CNOT10: variants seen among roughly 807,000 people sequenced by gnomAD.
CNOT10 encodes CCR4-NOT transcription complex subunit 10.
CNOT10 carries 30 observed loss-of-function variants against 94.6 expected under a neutral mutation model. That is an observed-to-expected ratio of 0.32 (90% CI 0.24 to 0.43). The LOEUF (loss-of-function observed/expected upper bound fraction) is 0.43, where lower values mean the gene tolerates loss of function less well. CNOT10 is among the 20% of genes least tolerant of loss of function. CNOT10 has a pLI of 1.00. For missense variants in CNOT10, 759 were observed against 877.2 expected (o/e 0.87, Z 1.70); for synonymous variants, 289 against 301.6 (o/e 0.96, Z 0.43).
At chr3:32,769,193 A>C (rs2125648446) in intron 17 of CNOT10, 1 of 152,402 alleles carries the variant, frequency 6.6e-6, no homozygotes, top group South Asian at 2.1e-4. Flanking sequence ...GAGCAACTAA[A>C]ACTAGATGGG....
intron 13 of CNOT10, among the ~76,000 whole-genome samples, chr3:32,752,678 T>A (rs1231206302): frequency 6.6e-6 from 1 of 152,130 alleles, no homozygotes; most frequent in Non-Finnish European, 1.5e-5. Context: ...AACTTCAACT[T>A]TAACAGTTGA....
intron 10 of CNOT10, 33 bp downstream of exon 10, chr3:32,727,903 G>A: frequency 6.7e-7 from 1 of 1,482,364 alleles, no homozygotes. Flanking sequence ...TTTAAACCCT[G>A]TCTTCTCCCC....
chr3:32,685,567 G>A, intron 1 of CNOT10, 85 bp downstream of exon 1: 1 of 1,454,792 alleles, frequency 6.9e-7, no homozygotes, highest in South Asian at 1.2e-5. Context: ...GGGGCCCGGG[G>A]TGGGGACTCC....
chr3:32,726,152 C>T (rs965917595), intron 9 of CNOT10, among the ~76,000 whole-genome samples: 2 of 152,040 alleles, frequency 1.3e-5, no homozygotes, highest in African/African-American at 4.8e-5. Context: ...ACCATGTTGC[C>T]CAGGCTGGTC....
intron 13 of CNOT10, chr3:32,753,734 A>G (rs1472193169): frequency 6.2e-7 from 1 of 1,600,114 alleles, no homozygotes; most frequent in Non-Finnish European, 8.5e-7. Context: ...GCAGCTTTAA[A>G]CAGATTATTT....
intron 13 of CNOT10, among the ~76,000 whole-genome samples, chr3:32,748,446 C>T (rs1004637146): frequency 2.6e-5 from 4 of 152,010 alleles, no homozygotes; most frequent in Admixed American, 2.6e-4. Context: ...ATTTGGGAGA[C>T]GATAGGTTTT....
chr3:32,764,624 G>A (rs1452040416), intron 16 of CNOT10, 58 bp from the exon 17 acceptor site: 6 of 1,606,850 alleles, frequency 3.7e-6, no homozygotes, highest in Non-Finnish European at 4.3e-6. Context: ...GATAGATTGG[G>A]TTGCTTCCTT....
intron 14 of CNOT10, among the ~76,000 whole-genome samples, chr3:32,759,775 A>C (rs1700366340): frequency 6.6e-6 from 1 of 152,180 alleles, no homozygotes; most frequent in South Asian, 2.1e-4. Context: ...GGAGACAAAA[A>C]CTTCGGACTC....
chr3:32,764,400 A>C (rs1245276877), intron 15 of CNOT10, 55 bp from the exon 16 acceptor site: 26 of 1,576,218 alleles, frequency 1.6e-5, no homozygotes, highest in Admixed American at 3.8e-5. Context: ...AGGAGAAAAG[A>C]AAGAAAATAT....
chr3:32,691,950 T>G (rs1696865386), intron 1 of CNOT10, among the ~76,000 whole-genome samples: 1 of 147,496 alleles, frequency 6.8e-6, no homozygotes, highest in Non-Finnish European at 1.5e-5. Flanking sequence ...CAAGGGAGGG[T>G]GAGGTGGGAG....
At chr3:32,754,688 A>G (rs551351989) in intron 13 of CNOT10, among the ~76,000 whole-genome samples, 34 of 147,172 alleles carry the variant, frequency 2.3e-4, no homozygotes, top group African/African-American at 8.5e-4. Context: ...CGCCCAGCTA[A>G]TTTTTGTATT....
chr3:32,771,621 C>A lies in CNOT10; in HGVS notation c.2080+1659C>A, dbSNP rs550905196. Among the ~76,000 whole-genome samples the A allele has an allele frequency of 2.9e-3, 443 of 151,854 alleles. 5 individuals are homozygous for A. The highest frequency in any genetic ancestry group is 0.01 in the African/African-American group (425 of 41,410). On this transcript the variant is annotated intron_variant, in intron 18 of 18. Coordinates refer to ENST00000328834, the MANE Select transcript of CNOT10 (RefSeq NM_015442.3). ...TCTCAAATAATAATAATAATAAATA[C>A]CTATATCTATCTAGATAGATAGATA...
At chr3:32,702,729 G>T (rs1051280135) in intron 1 of CNOT10, among the ~76,000 whole-genome samples, 1 of 152,070 alleles carries the variant, frequency 6.6e-6, no homozygotes, top group African/African-American at 2.4e-5. Flanking sequence ...TTGCTGGGTG[G>T]CAGATCTAAT....
intron 8 of CNOT10, among the ~76,000 whole-genome samples, 191 bp downstream of exon 8, chr3:32,720,422 G>T (rs1306916842): frequency 6.6e-6 from 1 of 151,976 alleles, no homozygotes; most frequent in African/African-American, 2.4e-5. Flanking sequence ...ATTACTTCTT[G>T]CTTTCACTTT....
chr3:32,735,344 C>CAAAAAAAAAAAAAA (rs1267480500), intron 12 of CNOT10, among the ~76,000 whole-genome samples: 9 of 151,102 alleles, frequency 6.0e-5, no homozygotes, highest in African/African-American at 1.5e-4. Flanking sequence ...GACTTCATCT[C>CAAAAAAAAAAAAAA]AAAAAAGAAA....
chr3:32,705,148 G>A (rs2125517786), intron 3 of CNOT10, among the ~76,000 whole-genome samples, 176 bp downstream of exon 3: 1 of 151,956 alleles, frequency 6.6e-6, no homozygotes, highest in East Asian at 1.9e-4. Flanking sequence ...GTATGTTGTG[G>A]GATCATTTTT....
intron 13 of CNOT10, among the ~76,000 whole-genome samples, chr3:32,749,135 A>G (rs569285079): frequency 1.3e-5 from 2 of 152,182 alleles, no homozygotes; most frequent in Non-Finnish European, 2.9e-5. Context: ...AGTTCTTTAT[A>G]TGTCCTAGAT....
At chr3:32,764,058 A>C (rs183618882) in intron 15 of CNOT10, 56 of 166,712 alleles carry the variant, frequency 3.4e-4, no homozygotes, top group African/African-American at 1.0e-3. Flanking sequence ...TGAACTCAAG[A>C]GGCGGAGGTT....
chr3:32,696,376 A>G (rs1484780183), intron 1 of CNOT10, among the ~76,000 whole-genome samples: 1 of 151,972 alleles, frequency 6.6e-6, no homozygotes, highest in South Asian at 2.1e-4. Flanking sequence ...GCTGGTAGTC[A>G]TATACTGGGC....
Sources: gnomAD v4.1 joint callset for allele counts (sites outside exome capture counted in the v4.1 genomes callset) on GRCh38, gnomAD v4.1.1 for gene constraint, MANE v1.5 for transcripts, NCBI Gene and HGNC (gene_info 2026-07-23, HGNC 2026-07-21) for gene names.